Variants in GBF1 observed in about 807,000 individuals in gnomAD.
GBF1 encodes golgi brefeldin A resistant guanine nucleotide exchange factor 1.
A neutral mutation model predicts 210.5 loss-of-function variants in GBF1; 114 were observed. The observed-to-expected ratio is 0.54, with a 90% CI of 0.47 to 0.63. The LOEUF (loss-of-function observed/expected upper bound fraction) is 0.63. Among genes scored for constraint, GBF1 ranks in the 30% least tolerant of loss-of-function variants. GBF1 has a pLI of 0.00. For synonymous variants in GBF1, 850 were observed against 889.2 expected (o/e 0.96, Z 0.78); for missense variants, 1,851 against 2,357.7 (o/e 0.79, Z 4.45).
In GBF1 at chr10:102,365,546, T is replaced by A. The variant is rs775133239; in HGVS notation, c.2256T>A (p.Ile752=). 1 of 1,614,136 alleles carries A rather than the reference T, an allele frequency of 6.2e-7. No individual in the cohort carries two copies. Among genetic ancestry groups the A allele is most frequent in the Middle Eastern group, 1.6e-4 (1 of 6,062 alleles). The part of the protein sequence containing the change: ...RENPRLDKKM[I]GEFVSDRKNI... Reference sequence around the variant, plus strand: ...ACCCTCGGCTGGACAAGAAGATGATTGGAGAGTTTGTGAGTGACCGCAAAA... The same window carrying A: ...ACCCTCGGCTGGACAAGAAGATGATAGGAGAGTTTGTGAGTGACCGCAAAA... Residue 752 remains isoleucine, a synonymous_variant, in exon 18 of 40, where the codon ATT becomes ATA. Coordinates refer to ENST00000369983, the MANE Select transcript of GBF1 (RefSeq NM_001377137.1).
chr10:102,320,283 C>G (rs1447934339), intron 3 of GBF1, among the ~76,000 whole-genome samples: 4 of 151,920 alleles, frequency 2.6e-5, no homozygotes, highest in Admixed American at 2.6e-4. Context: ...CTTGAGTAGT[C>G]TGATGCCATA....
chr10:102,293,688 C>G (rs1486323600), intron 3 of GBF1, among the ~76,000 whole-genome samples: 1 of 110,588 alleles, frequency 9.0e-6, no homozygotes, highest in Non-Finnish European at 2.0e-5. Flanking sequence ...TTAAAAAGTA[C>G]AAAATAAAAA....
chr10:102,320,049 C>A (rs2056252356), intron 3 of GBF1, among the ~76,000 whole-genome samples: 1 of 152,018 alleles, frequency 6.6e-6, no homozygotes, highest in Non-Finnish European at 1.5e-5. Context: ...TTTACTGTCT[C>A]ACATTGGTTT....
intron 3 of GBF1, among the ~76,000 whole-genome samples, chr10:102,331,948 C>T (rs2057368672): frequency 6.9e-6 from 1 of 145,526 alleles, no homozygotes; most frequent in Non-Finnish European, 1.5e-5. Context: ...CAACCTTTGC[C>T]TCCTGGGTTC....
the GBF1 span, among the ~76,000 whole-genome samples, chr10:102,235,172 A>ACCCC: frequency 5.2e-4 from 40 of 77,256 alleles, no homozygotes; most frequent in African/African-American, 1.8e-3. Context: ...CCCTTCCCCC[A>ACCCC]CCCCCCACCC....
intron 1 of GBF1, among the ~76,000 whole-genome samples, chr10:102,253,200 G>A (rs751577624): frequency 2.0e-5 from 3 of 152,122 alleles, no homozygotes; most frequent in Non-Finnish European, 2.9e-5. Flanking sequence ...CAGCCGAGGG[G>A]CTATTTTAGA....
chr10:102,304,904 C>T (rs1371529508), intron 3 of GBF1, among the ~76,000 whole-genome samples: 3 of 151,032 alleles, frequency 2.0e-5, no homozygotes. Context: ...CCCAGCTACT[C>T]AGAAGCCTGA....
Position 102,382,545 on chromosome 10 carries a change from C to T in GBF1, c.*209C>T. 1.9e-6 allele frequency: 1 copy of T among 520,136 alleles called. No individual in the cohort carries two copies. The highest frequency in any genetic ancestry group is 3.4e-6 in the Non-Finnish European group (1 of 296,762). The allele number at this position is 520,136 out of a possible 1,614,324, so 32.2% of individuals were successfully genotyped here. ...CCTTTTTCCTCCTCTGCGCTCCATT[C>T]CTGGGGGTTCAGCCTGAGAGTGAAC... On this transcript the variant is annotated 3_prime_UTR_variant, in exon 40 of 40. Transcript: ENST00000369983.
chr10:102,291,268 T>G (rs1349464520), intron 3 of GBF1, among the ~76,000 whole-genome samples: 1 of 152,196 alleles, frequency 6.6e-6, no homozygotes, highest in Non-Finnish European at 1.5e-5. Flanking sequence ...GTGGTATTTT[T>G]TTATCCTTAC....
rs2060168581 is a variant in GBF1 at position 102,370,857 on chromosome 10, T to C, written c.3657T>C (p.Ala1219=). Residue 1219 remains alanine, a synonymous_variant, in exon 29 of 40, where the codon GCT becomes GCC. Transcript: ENST00000369983. The part of the protein sequence containing the change: ...IRLLRREEIS[A]QVLLSLRILL... ...TTCTCCGGAGAGAAGAGATCAGTGC[T>C]CAGGTAAGCAGAATGCATCTTGGAG... 3.1e-6 allele frequency: 5 copies of C among 1,613,898 alleles called. No individual in the cohort carries two copies. The highest frequency in any genetic ancestry group is 4.2e-6 in the Non-Finnish European group (5 of 1,179,914).
intron 3 of GBF1, among the ~76,000 whole-genome samples, chr10:102,267,848 G>A (rs2074017714): frequency 6.6e-6 from 1 of 152,108 alleles, no homozygotes; most frequent in East Asian, 1.9e-4. Flanking sequence ...TTACTTTCTT[G>A]GTTTATAATA....
At chr10:102,340,266 C>CTTTTT (rs1565129960) in intron 3 of GBF1, among the ~76,000 whole-genome samples, 2 of 123,664 alleles carry the variant, frequency 1.6e-5, no homozygotes. Flanking sequence ...CTGGTCCATG[C>CTTTTT]CTTTTTTTTT....
chr10:102,362,709 A>C (rs777272705), intron 15 of GBF1, 45 bp downstream of exon 15: 1 of 1,458,122 alleles, frequency 6.9e-7, no homozygotes, highest in Non-Finnish European at 9.6e-7. Context: ...TTCTATGCTT[A>C]TCCCTTCTCT....
chr10:102,372,380 T>TG (rs1349740744), intron 29 of GBF1, among the ~76,000 whole-genome samples: 1 of 149,658 alleles, frequency 6.7e-6, no homozygotes, highest in African/African-American at 2.5e-5. Context: ...CCAGGCATGG[T>TG]GGGGCATGCC....
At chr10:102,375,220 C>A in intron 29 of GBF1, 139 bp from the exon 30 acceptor site, 2 of 573,722 alleles carry the variant, frequency 3.5e-6, no homozygotes, top group East Asian at 2.9e-5. Flanking sequence ...AAAAAAAGAC[C>A]AGAGCAGTAT....
At chr10:102,329,610 C>G (rs1439547975) in intron 3 of GBF1, among the ~76,000 whole-genome samples, 2 of 152,046 alleles carry the variant, frequency 1.3e-5, no homozygotes, top group Non-Finnish European at 2.9e-5. Context: ...ACTACAGGTG[C>G]CCGCCACCAC....
At chr10:102,277,599 G>A (rs1028067668) in intron 3 of GBF1, among the ~76,000 whole-genome samples, 32 of 152,030 alleles carry the variant, frequency 2.1e-4, no homozygotes, top group East Asian at 3.9e-4. Flanking sequence ...GGCTGGTCTC[G>A]AACTCATGAC....
At chr10:102,336,805 C>T (rs1230480922) in intron 3 of GBF1, among the ~76,000 whole-genome samples, 1 of 152,086 alleles carries the variant, frequency 6.6e-6, no homozygotes, top group Non-Finnish European at 1.5e-5. Flanking sequence ...CCTATTTTAG[C>T]TGTAATATCC....
chr10:102,342,581 T>C (rs890228995), intron 3 of GBF1, among the ~76,000 whole-genome samples: 3 of 152,014 alleles, frequency 2.0e-5, no homozygotes, highest in African/African-American at 7.2e-5. Flanking sequence ...AGCGTTAATC[T>C]GAGGAGCAGC....
Sources: gnomAD v4.1 joint callset for allele counts (sites outside exome capture counted in the v4.1 genomes callset) on GRCh38, gnomAD v4.1.1 for gene constraint, MANE v1.5 for transcripts, NCBI Gene and HGNC (gene_info 2026-07-23, HGNC 2026-07-21) for gene names.